MYOM2: variants seen among roughly 807,000 people sequenced by gnomAD.
MYOM2 encodes myomesin-2.
A neutral mutation model predicts 187.6 loss-of-function variants in MYOM2; 254 were observed. That is an observed-to-expected ratio of 1.35 (90% CI 1.22 to 1.50). The LOEUF is 1.50. Among genes scored for constraint, MYOM2 ranks in the 40% most tolerant of loss-of-function variants. The pLI is 0.00. For synonymous variants in MYOM2, 981 were observed against 753.8 expected, an observed-to-expected ratio of 1.30 and a Z score of -4.94; for missense variants, 2,796 against 1,924.0, an observed-to-expected ratio of 1.45 and a Z score of -8.48.
chr8:2,130,666 G>A (rs1428896794), intron 32 of MYOM2, among the ~76,000 whole-genome samples: 2 of 152,226 alleles, frequency 1.3e-5, no homozygotes, highest in African/African-American at 2.4e-5. Flanking sequence ...AATCTCTCAC[G>A]TCTTTAATTT....
At chr8:2,123,102 GC>G (rs1453053075) in intron 28 of MYOM2, 149 bp from the exon 29 acceptor site, 3 of 501,346 alleles carry the variant, frequency 6.0e-6, no homozygotes, top group Non-Finnish European at 1.1e-5. Context: ...GGGAGCGACA[GC>G]TTTTCCATAA....
At chr8:2,137,260 A>ACGAGC (rs1212765908) in intron 32 of MYOM2, among the ~76,000 whole-genome samples, 9 of 152,014 alleles carry the variant, frequency 5.9e-5, no homozygotes, top group African/African-American at 2.2e-4. Context: ...ACACAGGGTG[A>ACGAGC]TGAGCTCACA....
intron 6 of MYOM2, among the ~76,000 whole-genome samples, chr8:2,068,556 G>T (rs1819102391): frequency 6.6e-6 from 1 of 151,750 alleles, no homozygotes; most frequent in South Asian, 2.1e-4. Flanking sequence ...GCACCAGGCG[G>T]AGAGCATCCC....
chr8:2,086,522 C>CCCTACTGTCATGATCTCCACGTGGCCA (rs1796079538), intron 14 of MYOM2, among the ~76,000 whole-genome samples: 5 of 134,666 alleles, frequency 3.7e-5, no homozygotes, highest in Non-Finnish European at 5.1e-5. Context: ...CTGCGTGGCC[C>CCCTACTGTCATGATCTCCACGTGGCCA]CACACTGTCG....
chr8:2,138,175 C>T lies in MYOM2; in HGVS notation c.3801-2548C>T, dbSNP rs182021469. On this transcript the variant is annotated intron_variant, in intron 32 of 36. Transcript: ENST00000262113. ...TGCTCACCTGCCCTCAGACACACCA[C>T]GGATGGAGACTCTGGCAAGTCCGTG... 1.8e-4 allele frequency among the ~76,000 whole-genome samples: 27 copies of T among 152,308 alleles called. No homozygotes were observed. In the East Asian group the frequency reaches 3.9e-3, roughly 22 times the overall value.
At chr8:2,082,283 A>C (rs1819656498) in intron 13 of MYOM2, 1 of 152,242 alleles carries the variant, frequency 6.6e-6, no homozygotes, top group Non-Finnish European at 1.5e-5. Flanking sequence ...AACTTAAAAA[A>C]ATCTTTAGCC....
chr8:2,098,438 A>AC lies in MYOM2; in HGVS notation c.2314-413dup, dbSNP rs371862641. Among the ~76,000 whole-genome samples the AC allele has an allele frequency of 3.2e-4, 49 of 151,678 alleles. 2 individuals carry two copies. Among genetic ancestry groups the AC allele is most frequent in the African/African-American group, 1.2e-3 (48 of 41,352 alleles). On this transcript the variant is annotated intron_variant, in intron 18 of 36. Coordinates refer to ENST00000262113, the MANE Select transcript of MYOM2 (RefSeq NM_003970.4). The stretch of plus-strand genomic sequence containing the variant: ...CGTGGTGGGCTCCGTCTCCAGGGTG[A>AC]CCCCCCTTGGGTGCAGGGCAGGGCC...
intron 27 of MYOM2, among the ~76,000 whole-genome samples, chr8:2,117,491 G>A (rs541864672): frequency 6.6e-6 from 1 of 152,170 alleles, no homozygotes; most frequent in East Asian, 1.9e-4. Context: ...TTATTTAAAG[G>A]TATTATTTAC....
rs372049771 is a variant in MYOM2, at chr8:2,097,717, A to T, written c.2314-1140A>T. Among the ~76,000 whole-genome samples, 71 of 152,268 alleles carry T rather than the reference A, an allele frequency of 4.7e-4. No homozygotes were observed. The South Asian group carries it at 9.5e-3, about 20-fold the overall frequency. ...ATTTCAGTAGAGACAGGGTTTCACC[A>T]TGTTGCCCAGGTTGGTCTGGAACTC... On this transcript the variant is annotated intron_variant, in intron 18 of 36. Transcript: ENST00000262113.
rs770494170 is a variant in MYOM2 at position 2,079,627 on chromosome 8, C to T, written c.1516+14C>T. ...ATGACCTTGAAGGTAAGTAGCACCT[C>T]ATCACCCCAGCTGCTCAGCCCCTGG... On this transcript the variant is annotated intron_variant, in intron 13 of 36. Coordinates refer to ENST00000262113, the MANE Select transcript of MYOM2 (RefSeq NM_003970.4). The T allele has an allele frequency of 6.2e-7, 1 of 1,613,430 alleles. No homozygotes were observed. Among genetic ancestry groups the T allele is most frequent in the Middle Eastern group, 1.6e-4 (1 of 6,062 alleles).
chr8:2,119,179 G>A (rs1239062951), intron 28 of MYOM2: 1 of 152,468 alleles, frequency 6.6e-6, no homozygotes, highest in South Asian at 2.1e-4. Context: ...TGGAGCATGT[G>A]GATTCATGAG....
Position 2,084,313 on chromosome 8 carries a change from C to T in MYOM2, c.1517-950C>T, listed in dbSNP as rs115428954. On this transcript the variant is annotated intron_variant, in intron 13 of 36. Transcript: ENST00000262113. ...CCTGCGTTGCCTCTGACCTGTAATG[C>T]GCTGTGCAACAGGGCTCAGGAAACG... Among the ~76,000 whole-genome samples the T allele has an allele frequency of 2.1e-3, 315 of 152,292 alleles. 2 individuals are homozygous for T. Among genetic ancestry groups the T allele is most frequent in the African/African-American group, 6.9e-3 (285 of 41,550 alleles).
At position 2,092,427 on chromosome 8, in the gene MYOM2, A is replaced by G; in HGVS notation, c.1910A>G (p.His637Arg). Residue 637 changes from histidine to arginine, a missense_variant, in exon 16 of 37, where the codon CAT becomes CGT. By Grantham distance (29) the His-to-Arg change is conservative (BLOSUM62 0). Transcript: ENST00000262113. ...SVVVQWDRPK[H>R]EEDLLGYYVD... ...GTGGTGCAGTGGGACCGACCTAAGC[A>G]TGAGGAGGACCTGCTGGGCTACTAC... 1 of 1,614,148 alleles carries G rather than the reference A, an allele frequency of 6.2e-7. No homozygotes were observed. Among genetic ancestry groups the G allele is most frequent in the Non-Finnish European group, 8.5e-7 (1 of 1,180,014 alleles).
At chr8:2,096,186 C>A in intron 17 of MYOM2, 61 bp from the exon 18 acceptor site, 5 of 1,534,372 alleles carry the variant, frequency 3.3e-6, no homozygotes, top group Non-Finnish European at 4.4e-6. Flanking sequence ...GAGCTGGCTG[C>A]CCCGGGGACA....
At chr8:2,104,707 T>G (rs1443116007) in intron 21 of MYOM2, among the ~76,000 whole-genome samples, 2 of 152,108 alleles carry the variant, frequency 1.3e-5, no homozygotes, top group Non-Finnish European at 2.9e-5. Flanking sequence ...CCGGCAGCTC[T>G]GGTGGCTCCG....
chr8:2,124,531 C>CA (rs1365000452), intron 31 of MYOM2, among the ~76,000 whole-genome samples: 2 of 152,212 alleles, frequency 1.3e-5, no homozygotes, highest in Non-Finnish European at 2.9e-5. Flanking sequence ...CAGCTTTTTA[C>CA]ATATGTTGAA....
chr8:2,134,310 G>A (rs1226438905), intron 32 of MYOM2, among the ~76,000 whole-genome samples: 3 of 152,198 alleles, frequency 2.0e-5, no homozygotes, highest in Admixed American at 6.5e-5. Flanking sequence ...TCGGAAGCAC[G>A]CCCCTCTGTC....
intron 32 of MYOM2, among the ~76,000 whole-genome samples, chr8:2,133,151 C>G (rs959976868): frequency 1.0e-4 from 15 of 146,864 alleles, no homozygotes; most frequent in Middle Eastern, 3.2e-3. Flanking sequence ...ACTATTTAGA[C>G]AGCAGTAGCA....
At position 2,087,928 on chromosome 8, in the gene MYOM2, C is replaced by A. The variant is rs528358002; in HGVS notation, c.1645-2080C>A. Among the ~76,000 whole-genome samples the A allele has an allele frequency of 5.3e-5, 8 of 152,310 alleles. No homozygotes were observed. In the East Asian group the frequency reaches 1.5e-3, roughly 29 times the overall value. On this transcript the variant is annotated intron_variant, in intron 14 of 36. Coordinates refer to ENST00000262113, the MANE Select transcript of MYOM2 (RefSeq NM_003970.4). ...TTAGTGTGTTTACAGGCCAGGCAAG[C>A]CACAACACCTGTCCTGCAAACACAT...
Sources: gnomAD v4.1 joint callset for allele counts (sites outside exome capture counted in the v4.1 genomes callset) on GRCh38, gnomAD v4.1.1 for gene constraint, MANE v1.5 for transcripts, NCBI Gene and HGNC (gene_info 2026-07-23, HGNC 2026-07-21) for gene names.